The following ARHGEF3 variants were observed in gnomAD, a reference collection of about 807,000 sequenced individuals.
ARHGEF3 encodes the protein 59.8 kDA protein.
In ARHGEF3, 28 loss-of-function variants were observed where a neutral mutation model predicts 63.2. The observed-to-expected ratio is 0.44, with a 90% CI of 0.33 to 0.61. ARHGEF3 has a LOEUF of 0.61. Ranked by LOEUF, ARHGEF3 falls within the 20% of genes least tolerant of loss-of-function variation. ARHGEF3 has a pLI of 0.03. For synonymous variants in ARHGEF3, 266 were observed against 254.2 expected (o/e 1.05, Z -0.44); for missense variants, 533 against 659.3 (o/e 0.81, Z 2.10).
In ARHGEF3 at chr3:56,728,176, A is replaced by C. The variant is rs901127244; in HGVS notation, c.*1094T>G. 1 of 152,612 alleles carries C rather than the reference A, an allele frequency of 6.6e-6. No homozygotes were observed. Among genetic ancestry groups the C allele is most frequent in the African/African-American group, 2.4e-5 (1 of 41,446 alleles). The allele number at this position is 152,612 out of a possible 1,614,324, so 9.5% of individuals were successfully genotyped here. A position where few individuals can be genotyped will look rare whatever the true frequency, so the allele number is the denominator to read the frequency against. ...AATGAAATTGGCCTCTGGAGAACAT[A>C]ATTACAATTCTGATTATAGCACAGA... On this transcript the variant is annotated 3_prime_UTR_variant, in exon 10 of 10. Transcript: ENST00000296315.
chr3:56,841,675 T>C (rs2039313374), intron 4 of ARHGEF3, among the ~76,000 whole-genome samples: 2 of 152,186 alleles, frequency 1.3e-5, no homozygotes, highest in Non-Finnish European at 2.9e-5. Flanking sequence ...TTGGGTGTGA[T>C]TCTATGCATT....
At chr3:57,073,636 G>A (rs1383502613) in intron 1 of ARHGEF3, 1 of 1,549,380 alleles carries the variant, frequency 6.5e-7, no homozygotes, top group South Asian at 1.3e-5. Context: ...TCAGGGATTG[G>A]CTCCGGCCAA....
intron 1 of ARHGEF3, among the ~76,000 whole-genome samples, chr3:56,780,723 C>T (rs1292588342): frequency 2.0e-5 from 3 of 152,214 alleles, no homozygotes; most frequent in Non-Finnish European, 2.9e-5. Context: ...ATGTCTCTCA[C>T]TTTAGATTAA....
intron 3 of ARHGEF3, among the ~76,000 whole-genome samples, chr3:56,952,189 AG>A (rs768879872): frequency 3.6e-4 from 55 of 152,148 alleles, no homozygotes; most frequent in Non-Finnish European, 6.2e-4. Flanking sequence ...CTCTTCCTCA[AG>A]TCAGAGACAT....
intron 1 of ARHGEF3, among the ~76,000 whole-genome samples, chr3:56,777,104 T>A (rs1407074050): frequency 6.6e-6 from 1 of 152,244 alleles, no homozygotes; most frequent in Admixed American, 6.5e-5. Flanking sequence ...AGTTTAATTC[T>A]TGGTTCTACA....
intron 4 of ARHGEF3, among the ~76,000 whole-genome samples, chr3:56,811,865 C>T (rs1404189466): frequency 2.0e-5 from 3 of 152,182 alleles, no homozygotes; most frequent in Non-Finnish European, 4.4e-5. Context: ...TCCTCTCATT[C>T]AAGGTTGTCT....
chr3:57,033,919 C>T (rs1240907236), intron 2 of ARHGEF3, among the ~76,000 whole-genome samples: 1 of 151,874 alleles, frequency 6.6e-6, no homozygotes, highest in Admixed American at 6.6e-5. Context: ...GTGGCGGACA[C>T]CTGTAATCCC....
chr3:56,925,624 C>T (rs963990532), intron 3 of ARHGEF3, among the ~76,000 whole-genome samples: 18 of 25,364 alleles, frequency 7.1e-4, no homozygotes, highest in African/African-American at 1.9e-3. Context: ...TATGACCACC[C>T]TATGAGATAA....
intron 9 of ARHGEF3, among the ~76,000 whole-genome samples, chr3:56,729,963 A>G (rs1429608609): frequency 6.6e-6 from 1 of 152,216 alleles, no homozygotes; most frequent in Admixed American, 6.5e-5. Flanking sequence ...AGCTTGTTAA[A>G]AAGACAGATG....
chr3:56,894,631 C>T (rs904876), intron 3 of ARHGEF3, among the ~76,000 whole-genome samples: 140,058 of 151,624 alleles, frequency 0.92, 65,734 homozygotes, highest in East Asian at 1. Flanking sequence ...CTCTTTCTCT[C>T]TTTTTTAATT....
At chr3:56,839,566 T>C (rs2039240593) in intron 4 of ARHGEF3, among the ~76,000 whole-genome samples, 1 of 152,204 alleles carries the variant, frequency 6.6e-6, no homozygotes, top group Non-Finnish European at 1.5e-5. Flanking sequence ...TGTGTTATCT[T>C]TGCAACTTTT....
At chr3:56,798,562 C>G (rs148954151) in intron 1 of ARHGEF3, among the ~76,000 whole-genome samples, 2 of 135,494 alleles carry the variant, frequency 1.5e-5, no homozygotes, top group East Asian at 2.2e-4. Flanking sequence ...TTTTTTTAAG[C>G]CTTCTTTTTA....
At chr3:56,986,729 A>AG (rs1701554744) in intron 2 of ARHGEF3, among the ~76,000 whole-genome samples, 1 of 151,774 alleles carries the variant, frequency 6.6e-6, no homozygotes, top group Non-Finnish European at 1.5e-5. Context: ...TCAGGGTAGT[A>AG]GTGGGGGTAG....
intron 2 of ARHGEF3, among the ~76,000 whole-genome samples, chr3:56,967,859 A>T (rs1299646659): frequency 3.3e-5 from 1 of 29,878 alleles, no homozygotes; most frequent in African/African-American, 9.3e-5. Context: ...ATAATATATA[A>T]TGACATATAT....
At chr3:56,735,068 G>C (rs935257475) in intron 8 of ARHGEF3, among the ~76,000 whole-genome samples, 2 of 152,170 alleles carry the variant, frequency 1.3e-5, no homozygotes, top group Non-Finnish European at 1.5e-5. Flanking sequence ...CGGATCACTT[G>C]AGGTCAGGAA....
At chr3:56,926,090 C>G (rs2042267081) in intron 3 of ARHGEF3, among the ~76,000 whole-genome samples, 1 of 152,248 alleles carries the variant, frequency 6.6e-6, no homozygotes, top group African/African-American at 2.4e-5. Flanking sequence ...GTTCCCACAG[C>G]CTCGAAGCAC....
chr3:56,826,978 A>G (rs2038736574), intron 4 of ARHGEF3, among the ~76,000 whole-genome samples: 1 of 152,176 alleles, frequency 6.6e-6, no homozygotes, highest in African/African-American at 2.4e-5. Context: ...AGCACCAAAT[A>G]CATCAAAGAT....
At chr3:56,927,856 A>G (rs1171045589) in intron 3 of ARHGEF3, among the ~76,000 whole-genome samples, 1 of 152,268 alleles carries the variant, frequency 6.6e-6, no homozygotes, top group African/African-American at 2.4e-5. Flanking sequence ...TGTGTCAAGC[A>G]CTGGTGCTCA....
intron 2 of ARHGEF3, among the ~76,000 whole-genome samples, chr3:57,013,075 A>G (rs1702773990): frequency 6.6e-6 from 1 of 152,114 alleles, no homozygotes; most frequent in African/African-American, 2.4e-5. Context: ...CCACACTCGA[A>G]TTCTCGCTGG....
Sources: allele counts gnomAD v4.1 joint callset (sites outside exome capture counted in the v4.1 genomes callset), GRCh38; gene constraint gnomAD v4.1.1; transcripts MANE v1.5; gene names NCBI Gene and HGNC (gene_info 2026-07-23, HGNC 2026-07-21).